ADARB2: variants seen among roughly 807,000 people sequenced by gnomAD.
ADARB2 encodes adenosine deaminase RNA specific B2 (inactive).
In ADARB2, 25 loss-of-function variants were observed where a neutral mutation model predicts 62.2. The observed-to-expected ratio is 0.40, with a 90% confidence interval of 0.29 to 0.56. The LOEUF is 0.56. Ranked by LOEUF, ADARB2 falls within the 20% of genes least tolerant of loss-of-function variation. ADARB2 has a pLI of 0.43. For missense variants in ADARB2, 1,071 were observed against 1,077.4 expected (o/e 0.99, Z 0.08); for synonymous variants, 572 against 500.8 (o/e 1.14, Z -1.90).
chr10:1,454,195 G>A lies in ADARB2; in HGVS notation c.101-75035C>T, dbSNP rs115699716. On this transcript the variant is annotated intron_variant, in intron 1 of 9. Coordinates refer to ENST00000381312, the MANE Select transcript of ADARB2 (RefSeq NM_018702.4). ...GCCCTTTATTAAACCATCAGATCTC[G>A]TGAGATATTTTCACTGTCATGAGAA... Among the ~76,000 whole-genome samples the A allele has an allele frequency of 7.4e-3, 1,130 of 152,196 alleles. 16 individuals carry two copies. Among genetic ancestry groups the A allele is most frequent in the African/African-American group, 0.026 (1,069 of 41,522 alleles).
intron 4 of ADARB2, among the ~76,000 whole-genome samples, chr10:1,256,807 C>CTA (rs1831083492): frequency 6.6e-6 from 1 of 152,120 alleles, no homozygotes; most frequent in Non-Finnish European, 1.5e-5. Flanking sequence ...TATTAAAAGT[C>CTA]TATTTATCTC....
rs1367370863 is a variant in ADARB2, at chr10:1,346,488, CTG to C, written c.1077+16538_1077+16539del. Among the ~76,000 whole-genome samples the C allele has an allele frequency of 7.9e-5, 12 of 152,348 alleles. 1 individual carries two copies. In the East Asian group the frequency reaches 1.9e-3, roughly 24 times the overall value. On this transcript the variant is annotated intron_variant, in intron 3 of 9. Coordinates refer to ENST00000381312, the MANE Select transcript of ADARB2 (RefSeq NM_018702.4). ...CAGTTGTTGTTGACAGGGGCATGAACTGGCTTTCAGTGTTACTGAGTCTTGCT... is the reference window on the plus strand; with the variant it reads ...CAGTTGTTGTTGACAGGGGCATGAACGCTTTCAGTGTTACTGAGTCTTGCT...
intron 7 of ADARB2, chr10:1,215,626 C>T (rs1589154040): frequency 1.3e-5 from 2 of 152,330 alleles, no homozygotes; most frequent in South Asian, 2.1e-4. Flanking sequence ...GCACCAAATG[C>T]GCTGTTTTCA....
chr10:1,665,234 T>C (rs1356809494), intron 1 of ADARB2, among the ~76,000 whole-genome samples: 2 of 152,226 alleles, frequency 1.3e-5, no homozygotes, highest in Non-Finnish European at 2.9e-5. Context: ...TTGCCCTAGA[T>C]CTTTCCTTAA....
chr10:1,188,018 A>G (rs1488411206), intron 8 of ADARB2: 1 of 178,646 alleles, frequency 5.6e-6, no homozygotes, highest in Non-Finnish European at 1.3e-5. Context: ...CCCAGGAGCA[A>G]TCTTCAATAT....
intron 1 of ADARB2, among the ~76,000 whole-genome samples, chr10:1,729,753 TAAG>T (rs1407390085): frequency 6.6e-6 from 1 of 152,180 alleles, no homozygotes; most frequent in African/African-American, 2.4e-5. Flanking sequence ...TTTTTAGCCA[TAAG>T]AAGAGATTTG....
intron 1 of ADARB2, among the ~76,000 whole-genome samples, chr10:1,640,015 A>G (rs1465445554): frequency 6.6e-6 from 1 of 152,114 alleles, no homozygotes; most frequent in African/African-American, 2.4e-5. Flanking sequence ...TGTTGGCGGG[A>G]AGATCTGAAG....
At chr10:1,315,983 T>G (rs1201774758) in intron 3 of ADARB2, among the ~76,000 whole-genome samples, 1 of 152,248 alleles carries the variant, frequency 6.6e-6, no homozygotes, top group African/African-American at 2.4e-5. Context: ...ATTAAGGGTA[T>G]AATTACCATT....
intron 7 of ADARB2, among the ~76,000 whole-genome samples, chr10:1,213,158 AAGAC>A (rs570402445): frequency 2.0e-5 from 3 of 152,092 alleles, no homozygotes; most frequent in South Asian, 4.2e-4. Context: ...GAGACACAGA[AAGAC>A]AGAGACAAGC....
intron 1 of ADARB2, among the ~76,000 whole-genome samples, chr10:1,684,888 G>A (rs1183284964): frequency 6.6e-6 from 1 of 152,212 alleles, no homozygotes; most frequent in Non-Finnish European, 1.5e-5. Flanking sequence ...CAGGTGGGAA[G>A]TCAGAGAGGA....
At chr10:1,624,029 T>G (rs1313492473) in intron 1 of ADARB2, among the ~76,000 whole-genome samples, 3 of 151,982 alleles carry the variant, frequency 2.0e-5, no homozygotes, top group Non-Finnish European at 4.4e-5. Context: ...GCCCAAGAGT[T>G]TGAGACCAGC....
intron 1 of ADARB2, among the ~76,000 whole-genome samples, chr10:1,597,084 A>T (rs951804826): frequency 2.0e-5 from 3 of 152,204 alleles, no homozygotes; most frequent in African/African-American, 7.2e-5. Flanking sequence ...TTATATAGGC[A>T]CAGAGCATGG....
At chr10:1,570,406 C>T (rs1832919093) in intron 1 of ADARB2, among the ~76,000 whole-genome samples, 1 of 151,768 alleles carries the variant, frequency 6.6e-6, no homozygotes, top group Non-Finnish European at 1.5e-5. Flanking sequence ...CTGCGAGGTG[C>T]TGGGTAGAAT....
At chr10:1,335,821 G>T (rs992728970) in intron 3 of ADARB2, among the ~76,000 whole-genome samples, 1 of 152,104 alleles carries the variant, frequency 6.6e-6, no homozygotes, top group African/African-American at 2.4e-5. Context: ...CCAGCTCACT[G>T]CCAGGCTTAT....
intron 1 of ADARB2, among the ~76,000 whole-genome samples, chr10:1,617,094 TTTG>T: frequency 7.8e-6 from 1 of 127,704 alleles, no homozygotes; most frequent in Non-Finnish European, 1.8e-5. Context: ...TCGCTAGATG[TTTG>T]TGTGCCCGTC....
At chr10:1,325,227 G>A (rs941482071) in intron 3 of ADARB2, among the ~76,000 whole-genome samples, 10 of 152,150 alleles carry the variant, frequency 6.6e-5, no homozygotes, top group African/African-American at 2.2e-4. Flanking sequence ...TCCTCTACCG[G>A]GGGGTCCCTC....
intron 3 of ADARB2, among the ~76,000 whole-genome samples, chr10:1,288,337 A>G (rs1831432387): frequency 6.6e-6 from 1 of 152,236 alleles, no homozygotes. Flanking sequence ...ACAAAATACC[A>G]TGTGATAAAT....
At chr10:1,428,571 A>G (rs1830741349) in intron 1 of ADARB2, among the ~76,000 whole-genome samples, 2 of 151,996 alleles carry the variant, frequency 1.3e-5, no homozygotes, top group Non-Finnish European at 2.9e-5. Flanking sequence ...ACAGGCATGA[A>G]CCACCACGCC....
rs920234368 is a variant in ADARB2 at position 1,233,830 on chromosome 10, G to A, written c.1377C>T (p.Asp459=). 6.2e-7 allele frequency: 1 copy of A among 1,613,734 alleles called. No individual in the cohort carries two copies. The highest frequency in any genetic ancestry group is 1.3e-5 in the African/African-American group (1 of 74,872). Residue 459 remains aspartate (D), a synonymous_variant, in exon 6 of 10, where the codon GAC becomes GAT. Coordinates refer to ENST00000381312, the MANE Select transcript of ADARB2 (RefSeq NM_018702.4). ...ACCGCACGAATATCGATCGCTCTGAGTCCTCGCGCCGCTTGCTAGGGTCAC... is the reference window on the plus strand; with the variant it reads ...ACCGCACGAATATCGATCGCTCTGAATCCTCGCGCCGCTTGCTAGGGTCAC... The part of the protein sequence containing the change: ...LELHLSKRRE[D]SERSIFVRLK...
Sources: gnomAD v4.1 joint callset for allele counts (sites outside exome capture counted in the v4.1 genomes callset) on GRCh38, gnomAD v4.1.1 for gene constraint, MANE v1.5 for transcripts, NCBI Gene and HGNC (gene_info 2026-07-23, HGNC 2026-07-21) for gene names.